EML6: variants seen among roughly 807,000 people sequenced by gnomAD.
The protein encoded by EML6 is EMAP like 6.
A neutral mutation model predicts 240.1 loss-of-function variants in EML6; 154 were observed. The observed-to-expected ratio is 0.64, with a 90% CI of 0.56 to 0.73. The LOEUF is 0.73. EML6 is among the 30% of genes least tolerant of loss of function. EML6 has a pLI of 0.00. For synonymous variants in EML6, 1,148 were observed against 899.0 expected, an observed-to-expected ratio of 1.28 and a Z score of -4.95; for missense variants, 2,964 against 2,474.6, an observed-to-expected ratio of 1.20 and a Z score of -4.20.
At chr2:54,830,824 C>T (rs930185) in intron 7 of EML6, among the ~76,000 whole-genome samples, 115,613 of 152,144 alleles carry the variant, frequency 0.76, 44,930 homozygotes, top group East Asian at 0.99. Context: ...AAATGTGCAT[C>T]TAAGTCAACT....
At chr2:54,847,378 GTCTTT>G (rs1356350192) in intron 8 of EML6, 103 bp from the exon 9 acceptor site, 2 of 1,194,460 alleles carry the variant, frequency 1.7e-6, no homozygotes, top group Non-Finnish European at 2.3e-6. Flanking sequence ...AAGTTCCTAT[GTCTTT>G]TCTTGTTACT....
chr2:54,792,497 C>T (rs551498102), intron 2 of EML6, among the ~76,000 whole-genome samples: 1 of 152,324 alleles, frequency 6.6e-6, no homozygotes, highest in South Asian at 2.1e-4. Flanking sequence ...AAAAGCCTGT[C>T]TGTAAATGTT....
intron 7 of EML6, among the ~76,000 whole-genome samples, chr2:54,842,621 A>G (rs1669523508): frequency 1.3e-5 from 2 of 152,314 alleles, no homozygotes; most frequent in Middle Eastern, 3.4e-3. Context: ...AGCCCATCAC[A>G]TCCTGGCCTT....
intron 17 of EML6, among the ~76,000 whole-genome samples, chr2:54,887,719 C>T (rs535359765): frequency 6.6e-6 from 1 of 152,268 alleles, no homozygotes; most frequent in South Asian, 2.1e-4. Context: ...TTCCATATGG[C>T]TACCAAGGTG....
At chr2:54,892,971 T>G (rs1404001351) in intron 19 of EML6, among the ~76,000 whole-genome samples, 1 of 152,148 alleles carries the variant, frequency 6.6e-6, no homozygotes, top group Admixed American at 6.5e-5. Context: ...TCCTGAGAAA[T>G]ACTTCAGCAT....
At chr2:54,821,966 T>C (rs543609160) in intron 5 of EML6, among the ~76,000 whole-genome samples, 1 of 152,218 alleles carries the variant, frequency 6.6e-6, no homozygotes, top group African/African-American at 2.4e-5. Context: ...ACTGTAGAAA[T>C]ATTAAAATAT....
intron 7 of EML6, 88 bp downstream of exon 7, chr2:54,829,565 T>C (rs1012658022): frequency 2.0e-6 from 2 of 1,025,490 alleles, no homozygotes; most frequent in African/African-American, 1.6e-5. Flanking sequence ...TGTACCCCAT[T>C]TTAAAAAGGC....
At chr2:54,763,881 C>T (rs1487124459) in intron 2 of EML6, among the ~76,000 whole-genome samples, 4 of 152,156 alleles carry the variant, frequency 2.6e-5, no homozygotes, top group Admixed American at 6.5e-5. Flanking sequence ...TCTGCCAGAG[C>T]GAGGCTGGGA....
At chr2:54,805,603 T>A (rs558066875) in intron 2 of EML6, among the ~76,000 whole-genome samples, 1 of 152,322 alleles carries the variant, frequency 6.6e-6, no homozygotes, top group Non-Finnish European at 1.5e-5. Context: ...TGTTGTTTTT[T>A]TCTTTTCATT....
rs62136905 is a variant in EML6, at chr2:54,799,359, C to G, written c.198-13873C>G. Among the ~76,000 whole-genome samples the G allele has an allele frequency of 2.1e-3, 322 of 152,000 alleles. 1 individual carries two copies. The highest frequency in any genetic ancestry group is 0.01 in the Middle Eastern group (3 of 292). ...TACAGGCATGAGCCACCACGCCCAG[C>G]CTTTATTACTATTTTTTTTTAAGAT... On this transcript the variant is annotated intron_variant, in intron 2 of 41. Transcript: ENST00000356458.
At chr2:54,955,080 T>C (rs1274681789) in intron 32 of EML6, among the ~76,000 whole-genome samples, 1 of 152,232 alleles carries the variant, frequency 6.6e-6, no homozygotes, top group African/African-American at 2.4e-5. Flanking sequence ...TGCAGACATT[T>C]GTAATGATAC....
chr2:54,845,063 T>C (rs78941949), intron 8 of EML6, among the ~76,000 whole-genome samples: 89 of 152,348 alleles, frequency 5.8e-4, no homozygotes, highest in African/African-American at 1.7e-3. Context: ...ATAGCTAATA[T>C]AGAACAATGC....
chr2:54,796,362 A>G (rs1373005002), intron 2 of EML6, among the ~76,000 whole-genome samples: 4 of 152,158 alleles, frequency 2.6e-5, no homozygotes, highest in South Asian at 2.1e-4. Flanking sequence ...TAAATGACCT[A>G]TTTCTTCAGA....
intron 18 of EML6, among the ~76,000 whole-genome samples, chr2:54,891,600 GATAATA>G (rs1354126921): frequency 6.6e-6 from 1 of 152,180 alleles, no homozygotes; most frequent in Non-Finnish European, 1.5e-5. Flanking sequence ...ATTTAATGTT[GATAATA>G]ATGATGAGTA....
At chr2:54,969,930 C>A in intron 41 of EML6, 141 bp from the exon 42 acceptor site, 1 of 829,606 alleles carries the variant, frequency 1.2e-6, no homozygotes, top group Non-Finnish European at 2.0e-6. Flanking sequence ...GTGGCAAGAT[C>A]CCTGGTTTAC....
intron 2 of EML6, among the ~76,000 whole-genome samples, chr2:54,784,971 T>C (rs918116000): frequency 6.6e-6 from 1 of 152,334 alleles, no homozygotes; most frequent in South Asian, 2.1e-4. Context: ...GACCTCAGTC[T>C]ATGGCAAATC....
intron 7 of EML6, among the ~76,000 whole-genome samples, chr2:54,835,659 C>T (rs1669101994): frequency 6.6e-6 from 1 of 152,156 alleles, no homozygotes; most frequent in Non-Finnish European, 1.5e-5. Context: ...ACTGTTTTTA[C>T]TCCTCTGAGT....
intron 7 of EML6, among the ~76,000 whole-genome samples, chr2:54,833,530 T>G (rs550023283): frequency 2.0e-5 from 3 of 152,154 alleles, no homozygotes; most frequent in Non-Finnish European, 4.4e-5. Flanking sequence ...TAACCCCACT[T>G]TAGGTTAAGC....
At chr2:54,890,847 A>G (rs1378439248) in intron 17 of EML6, among the ~76,000 whole-genome samples, 1 of 152,204 alleles carries the variant, frequency 6.6e-6, no homozygotes, top group Non-Finnish European at 1.5e-5. Context: ...TTTGGCAGCA[A>G]TATTAGGATA....
Sources: allele counts gnomAD v4.1 joint callset (sites outside exome capture counted in the v4.1 genomes callset), GRCh38; gene constraint gnomAD v4.1.1; transcripts MANE v1.5; gene names NCBI Gene and HGNC (gene_info 2026-07-23, HGNC 2026-07-21).